The following MLXIPL variants were observed in gnomAD, a reference collection of about 807,000 sequenced individuals.
MLXIPL encodes the protein carbohydrate-responsive element-binding protein.
Under a neutral mutation model 81.5 loss-of-function variants are expected in MLXIPL, and 49 were observed. That is an observed-to-expected ratio of 0.60 (90% CI 0.48 to 0.76). The LOEUF (loss-of-function observed/expected upper bound fraction) is 0.76. Among genes scored for constraint, MLXIPL ranks in the 30% least tolerant of loss-of-function variants. The probability of loss-of-function intolerance (pLI) is 0.00; values close to 1 mark genes in which losing one functional copy is unlikely to be tolerated. For synonymous variants in MLXIPL, 466 were observed against 485.5 expected, an observed-to-expected ratio of 0.96 and a Z score of 0.53; for missense variants, 1,053 against 1,167.0, an observed-to-expected ratio of 0.90 and a Z score of 1.42.
rs1554597998 is a variant in MLXIPL, at chr7:73,606,039, C to T, written c.691G>A (p.Gly231Arg). ...CCACCCGGCTCCTCCTCTGGGTCCC[C>T]CAGCAGCACGGGGACCACACTGGAG... Reference protein sequence around the residue: ...LFSSVVPVLLGDPEEEPGGRQ... With the variant: ...LFSSVVPVLLRDPEEEPGGRQ... Residue 231 changes from glycine (G) to arginine (R), a missense_variant, in exon 6 of 17, where the codon GGG becomes AGG. Around this residue, in one of 3 missense-constraint regions of MLXIPL, gnomAD observed 823 missense variants for 933.0 expected, o/e 0.88. Coordinates refer to ENST00000313375, the MANE Select transcript of MLXIPL (RefSeq NM_032951.3). 1 of 1,590,420 alleles carries T rather than the reference C, an allele frequency of 6.3e-7. No individual in the cohort carries two copies. The highest frequency in any genetic ancestry group is 1.1e-5 in the South Asian group (1 of 87,622).
In MLXIPL at chr7:73,596,752, G is replaced by A. The variant is rs1554594195; in HGVS notation, c.1709C>T (p.Pro570Leu). 2 of 1,599,900 alleles carry A rather than the reference G, an allele frequency of 1.3e-6. No homozygotes were observed. Among genetic ancestry groups the A allele is most frequent in the Non-Finnish European group, 1.7e-6 (2 of 1,174,506 alleles). The change falls in exon 11 of 17, where the codon CCC (proline) becomes CTC (leucine). Residue 570 changes from proline to leucine, a missense_variant. Physicochemically the swap from Pro to Leu is moderately conservative, Grantham distance 98 (BLOSUM62 -3). This residue lies in a region of MLXIPL where 823 missense variants were observed against 933.0 expected (regional missense o/e 0.88). Transcript: ENST00000313375. This position sits in a 1 kb window ranked among gnomAD's most constrained non-coding sequence, Gnocchi z 4.7. Reference sequence around the variant, plus strand: ...GGGCGGTGTAGGGGCCGGGGTCGGGGGAAGGAATGTGCAGGGGAATTCAGG... The same window carrying A: ...GGGCGGTGTAGGGGCCGGGGTCGGGAGAAGGAATGTGCAGGGGAATTCAGG... ...TVPEFPCTFL[P>L]PTPAPTPPRP...
chr7:73,625,629 G>T (rs1796697684), upstream of MLXIPL, among the ~76,000 whole-genome samples: 1 of 151,810 alleles, frequency 6.6e-6, no homozygotes, highest in Non-Finnish European at 1.5e-5. Flanking sequence ...GACGATGCGT[G>T]CTTGGCTTAT....
chr7:73,603,984 G>A (rs977495762), intron 7 of MLXIPL, among the ~76,000 whole-genome samples: 1 of 152,064 alleles, frequency 6.6e-6, no homozygotes, highest in African/African-American at 2.4e-5. Context: ...GGGAGTCCGA[G>A]GTGGGAGGAT....
At chr7:73,633,814 C>T in the MLXIPL span, among the ~76,000 whole-genome samples, 2 of 152,112 alleles carry the variant, frequency 1.3e-5, no homozygotes, top group Non-Finnish European at 2.9e-5. Context: ...GAGAAACATG[C>T]CTCTGCCTCT....
At chr7:73,642,291 A>C in the MLXIPL span, among the ~76,000 whole-genome samples, 1 of 152,080 alleles carries the variant, frequency 6.6e-6, no homozygotes, top group Non-Finnish European at 1.5e-5. Context: ...TGTGTTCACA[A>C]ACTCAGAAGC....
At chr7:73,612,416 G>A (rs1007523344) in intron 2 of MLXIPL, among the ~76,000 whole-genome samples, 1 of 151,964 alleles carries the variant, frequency 6.6e-6, no homozygotes, top group Admixed American at 6.6e-5. Flanking sequence ...CGAGGTGGGC[G>A]GATCACCTGA....
At chr7:73,630,252 C>G in the MLXIPL span, among the ~76,000 whole-genome samples, 1 of 149,906 alleles carries the variant, frequency 6.7e-6, no homozygotes, top group Non-Finnish European at 1.5e-5. Flanking sequence ...CCGCCTCGGC[C>G]TCCCAAAGTG....
At position 73,624,299 on chromosome 7, in the gene MLXIPL, C is replaced by A; in HGVS notation, c.194G>T (p.Arg65Leu). 1 of 1,586,218 alleles carries A rather than the reference C, an allele frequency of 6.3e-7. No homozygotes were observed. ...CCCCACGGACCCCTCCTGGTCGCGC[C>A]GCCGGGGCAGCGAGTCGCTGTGCGG... ...SSPHSDSLPR[R>L]RDQEGSVGPS... Residue 65 changes from arginine to leucine, a missense_variant, in exon 1 of 17, where the codon CGG (arginine) becomes CTG (leucine). Arg to Leu is a moderately radical substitution (Grantham distance 102, BLOSUM62 -2). Transcript: ENST00000313375.
At chr7:73,647,122 C>T in the MLXIPL span, among the ~76,000 whole-genome samples, 5 of 152,166 alleles carry the variant, frequency 3.3e-5, no homozygotes, top group Non-Finnish European at 7.4e-5. Context: ...CCAAAGCTCC[C>T]AAACCCAGCC....
the MLXIPL span, among the ~76,000 whole-genome samples, chr7:73,643,439 G>A: frequency 3.3e-5 from 5 of 151,888 alleles, no homozygotes; most frequent in South Asian, 2.1e-4. Context: ...GCGTGAACCC[G>A]GGAGGCGGAG....
rs753095972 is a variant in MLXIPL at position 73,596,408 on chromosome 7, G to A, written c.1894C>T (p.Pro632Ser). The change falls in exon 12 of 17, where the codon CCC (proline) becomes TCC (serine). Residue 632 changes from proline to serine, a missense_variant. Transcript: ENST00000313375. The surrounding 1 kb of genome is among the most constrained non-coding windows in gnomAD (Gnocchi z 4.7). ...CCCCGGCTGAGGATGGGTTGCGGGG[G>A]AGAGACACGGACGCTCAGAGTCCCA... The part of the protein sequence containing the change: ...GPGTLSVRVS[P>S]PQPILSRGRP... The A allele has an allele frequency of 1.6e-5, 26 of 1,612,608 alleles. No individual in the cohort carries two copies. The highest frequency in any genetic ancestry group is 2.0e-5 in the Non-Finnish European group (24 of 1,179,910).
chr7:73,603,138 T>C (rs1332001875), intron 7 of MLXIPL, among the ~76,000 whole-genome samples: 8 of 152,050 alleles, frequency 5.3e-5, no homozygotes, highest in Admixed American at 5.2e-4. Context: ...GTCCCCTCCC[T>C]GGGTTTCCAG....
the MLXIPL span, among the ~76,000 whole-genome samples, chr7:73,644,722 T>TAGGA: frequency 6.6e-6 from 1 of 151,980 alleles, no homozygotes; most frequent in Admixed American, 6.6e-5. Flanking sequence ...CCAGGAGCTG[T>TAGGA]AGGACAAAGA....
chr7:73,594,519 A>T, intron 15 of MLXIPL, 116 bp from the exon 16 acceptor site: 2 of 1,286,394 alleles, frequency 1.6e-6, no homozygotes, highest in Non-Finnish European at 2.2e-6. Context: ...CTAACGTTGA[A>T]CCCCAATGAC....
intron 7 of MLXIPL, among the ~76,000 whole-genome samples, chr7:73,600,769 G>A (rs1554595973): frequency 6.6e-6 from 1 of 151,244 alleles, no homozygotes; most frequent in African/African-American, 2.4e-5. Flanking sequence ...AGTGGGGTGG[G>A]GCAAGGGGTC....
At position 73,594,040 on chromosome 7, in the gene MLXIPL, T is replaced by A. The variant is rs1401575815; in HGVS notation, c.2441-57A>T. The A allele has an allele frequency of 5.3e-6, 8 of 1,515,416 alleles. No individual in the cohort carries two copies. In the African/African-American group the frequency reaches 1.1e-4, roughly 21 times the overall value. 93.9% of individuals were successfully genotyped at this position (1,515,416 alleles called of 1,614,324 possible). A position where few individuals can be genotyped will look rare whatever the true frequency, so the allele number is the denominator to read the frequency against. On this transcript the variant is annotated intron_variant, in intron 16 of 16. Transcript: ENST00000313375. ...ACTTCCTGGGGTCAGGGCCCTACCC[T>A]TGGATGTGGAACCAAAGGGATAGGG...
the MLXIPL span, among the ~76,000 whole-genome samples, chr7:73,635,791 G>A: frequency 0.047 from 7,111 of 151,822 alleles, 195 homozygotes; most frequent in Non-Finnish European, 0.063. Flanking sequence ...TCCATCCATC[G>A]TTCCATGTAT....
intron 8 of MLXIPL, among the ~76,000 whole-genome samples, chr7:73,598,261 A>G (rs1226246237): frequency 2.0e-5 from 3 of 152,004 alleles, no homozygotes; most frequent in African/African-American, 7.3e-5. Context: ...TTATCAATCT[A>G]TGAACCAGCT....
At position 73,602,166 on chromosome 7, in the gene MLXIPL, T is replaced by TCC. The variant is rs1554596518; in HGVS notation, c.902-2472_902-2471insGG. 5.1e-3 allele frequency among the ~76,000 whole-genome samples: 740 copies of TCC among 145,870 alleles called. 12 individuals are homozygous for TCC. The highest frequency in any genetic ancestry group is 0.013 in the African/African-American group (481 of 37,708). ...TTCCTTCCTTCCTTCCTTCCTTCCT[T>TCC]TCTTTCCCTCTCTCTCTTTCTTTCA... On this transcript the variant is annotated intron_variant, in intron 7 of 16. Transcript: ENST00000313375.
Sources: gnomAD v4.1 joint callset for allele counts (sites outside exome capture counted in the v4.1 genomes callset) on GRCh38, gnomAD v4.1.1 for gene constraint, gnomAD v4.1.1 regional missense constraint, Gnocchi (gnomAD v3.1) non-coding constraint, MANE v1.5 for transcripts, NCBI Gene and HGNC (gene_info 2026-07-23, HGNC 2026-07-21) for gene names.